The following ARID1A variants were observed in gnomAD, a reference collection of about 807,000 sequenced individuals.
The protein encoded by ARID1A is AT-rich interactive domain-containing protein 1A.
ARID1A carries 20 observed loss-of-function variants against 212.6 expected under a neutral mutation model. The ratio of observed to expected loss-of-function variants is 0.09; its 90% CI spans 0.07 to 0.14. The LOEUF (loss-of-function observed/expected upper bound fraction) is 0.14. Among genes scored for constraint, ARID1A ranks in the 10% least tolerant of loss-of-function variants. The pLI, the probability that ARID1A is intolerant of heterozygous loss-of-function variation, is 1.00. For synonymous variants in ARID1A, 1,376 were observed against 1,222.1 expected (o/e 1.13, Z -2.63); for missense variants, 2,587 against 3,059.0 (o/e 0.85, Z 3.64).
At chr1:26,762,002 A>G (rs1332560722) in intron 6 of ARID1A, 150 bp from the exon 7 acceptor site, 5 of 843,226 alleles carry the variant, frequency 5.9e-6, no homozygotes, top group Non-Finnish European at 8.7e-6. Context: ...GGTGCCTAAA[A>G]TGACACACCA....
Position 26,766,309 on chromosome 1 carries a change from A to G in ARID1A, c.2821A>G (p.Ile941Val), listed in dbSNP as rs1469708728. ...GQGINSMAGMINPQGPPYSMG... is the reference protein window; with the variant it reads ...GQGINSMAGMVNPQGPPYSMG... Reference sequence around the variant, plus strand: ...AGGGATTAATAGTATGGCTGGCATGATCAACCCTCAGGGACCCCCATATTC... The same window carrying G: ...AGGGATTAATAGTATGGCTGGCATGGTCAACCCTCAGGGACCCCCATATTC... The change falls in exon 9 of 20, where the codon ATC (isoleucine) becomes GTC (valine). Residue 941 changes from isoleucine (I) to valine (V), a missense_variant. Ile to Val is a conservative substitution (Grantham distance 29, BLOSUM62 3). Around this residue, in one of 11 missense-constraint regions of ARID1A, gnomAD observed 674 missense variants for 813.4 expected, o/e 0.83. Transcript: ENST00000324856. 2 of 1,614,076 alleles carry G rather than the reference A, an allele frequency of 1.2e-6. No homozygotes were observed. Among genetic ancestry groups the G allele is most frequent in the African/African-American group, 2.7e-5 (2 of 74,922 alleles).
chr1:26,699,659 C>T (rs2080313465), intron 1 of ARID1A, among the ~76,000 whole-genome samples: 1 of 152,186 alleles, frequency 6.6e-6, no homozygotes, highest in Non-Finnish European at 1.5e-5. Context: ...ACAGCATCCT[C>T]TTGTCTCTGG....
At chr1:26,740,215 G>A (rs2080774635) in intron 4 of ARID1A, among the ~76,000 whole-genome samples, 1 of 152,166 alleles carries the variant, frequency 6.6e-6, no homozygotes, top group Non-Finnish European at 1.5e-5. Context: ...TTTGACAAGG[G>A]TTGAACTTGT....
rs57532083 is a variant in ARID1A at position 26,709,626 on chromosome 1, C to CTT, written c.1137+12106_1137+12107dup. ...TAGCTACATCTGAGTTACTGTAATG[C>CTT]TTTTTTTTTTTTTTTTTTTTTAAAC... On this transcript the variant is annotated intron_variant, in intron 1 of 19. Coordinates refer to ENST00000324856, the MANE Select transcript of ARID1A (RefSeq NM_006015.6). Among the ~76,000 whole-genome samples the CTT allele has an allele frequency of 3.3e-3, 387 of 118,446 alleles. 2 individuals are homozygous for CTT. The highest frequency in any genetic ancestry group is 0.03 in the East Asian group (109 of 3,668). 77.7% of individuals were successfully genotyped at this position (118,446 alleles called of 152,430 possible). A position where few individuals can be genotyped will look rare whatever the true frequency, so the allele number is the denominator to read the frequency against.
At chr1:26,772,387 T>A in intron 12 of ARID1A, 113 bp from the exon 13 acceptor site, 1 of 1,496,892 alleles carries the variant, frequency 6.7e-7, no homozygotes, top group East Asian at 2.3e-5. Flanking sequence ...GATCAGGCTT[T>A]AAAGGCCTTA....
In ARID1A at chr1:26,772,640, C is replaced by G. The variant is rs2124105121; in HGVS notation, c.3539+8C>G. ...CCCATTGCCAGGCATGAGGTAAGGC[C>G]AAGAGCAGGGGCAGATGGTTGGGAG... On this transcript the variant is annotated splice_region_variant and intron_variant, in intron 13 of 19. Coordinates refer to ENST00000324856, the MANE Select transcript of ARID1A (RefSeq NM_006015.6). 1 of 1,614,200 alleles carries G rather than the reference C, an allele frequency of 6.2e-7. No individual in the cohort carries two copies. Among genetic ancestry groups the G allele is most frequent in the Non-Finnish European group, 8.5e-7 (1 of 1,180,030 alleles).
At chr1:26,763,924 G>T (rs2081016095) in intron 8 of ARID1A, among the ~76,000 whole-genome samples, 1 of 152,008 alleles carries the variant, frequency 6.6e-6, no homozygotes, top group Non-Finnish European at 1.5e-5. Context: ...GAGTAGTTGG[G>T]ACTACAGGCA....
chr1:26,728,789 G>A (rs2080644427), intron 1 of ARID1A: 1 of 152,158 alleles, frequency 6.6e-6, no homozygotes, highest in African/African-American at 2.4e-5. Flanking sequence ...AGATATTTCT[G>A]GCAGGGGAAA....
rs2124743212 is a variant in ARID1A, at chr1:26,697,113, G to A, written c.710G>A (p.Gly237Asp). Residue 237 changes from glycine (G) to aspartate (D), a missense_variant, in exon 1 of 20, where the codon GGC (glycine) becomes GAC (aspartate). Physicochemically the swap from Gly to Asp is moderately conservative, Grantham distance 94 (BLOSUM62 -1). Transcript: ENST00000324856. ...TACGCGCTGAGCTCCCCGAGAGGTG[G>A]CACTCCGGGCTCCGGCGCGGCGGCG... ...PAYALSSPRG[G>D]TPGSGAAAAA... 6.9e-7 allele frequency: 1 copy of A among 1,449,174 alleles called. No individual in the cohort carries two copies. The highest frequency in any genetic ancestry group is 9.0e-7 in the Non-Finnish European group (1 of 1,105,452). 89.8% of individuals were successfully genotyped at this position (1,449,174 alleles called of 1,614,324 possible).
chr1:26,756,848 G>T (rs2080943056), intron 4 of ARID1A, among the ~76,000 whole-genome samples: 1 of 151,878 alleles, frequency 6.6e-6, no homozygotes, highest in South Asian at 2.1e-4. Context: ...GACCATGGGT[G>T]CCCGTCACCA....
At position 26,781,667 on chromosome 1, in the gene ARID1A, C is replaced by T. The variant is rs1264975363; in HGVS notation, c.*911C>T. ...CCTTGGATCCCCACAGTTTGGTCCT[C>T]CTCCCAGCTACCCCTTTATAGTATG... On this transcript the variant is annotated 3_prime_UTR_variant, in exon 20 of 20. Coordinates refer to ENST00000324856, the MANE Select transcript of ARID1A (RefSeq NM_006015.6). The T allele has an allele frequency of 8.6e-6, 2 of 233,606 alleles. No individual in the cohort carries two copies. The highest frequency in any genetic ancestry group is 1.7e-5 in the Non-Finnish European group (2 of 118,068). 14.5% of individuals were successfully genotyped at this position (233,606 alleles called of 1,614,324 possible).
At chr1:26,710,490 T>TACACACACAC (rs1291075615) in intron 1 of ARID1A, among the ~76,000 whole-genome samples, 103 of 9,694 alleles carry the variant, frequency 0.011, no homozygotes, top group East Asian at 0.021. Context: ...AATAAAATAA[T>TACACACACAC]ACATACACAC....
chr1:26,726,783 C>T (rs1034198244), intron 1 of ARID1A, among the ~76,000 whole-genome samples: 1 of 152,202 alleles, frequency 6.6e-6, no homozygotes, highest in African/African-American at 2.4e-5. Context: ...AGAAGTTAGT[C>T]TTGAGAAATG....
At chr1:26,755,116 C>G (rs2080916882) in intron 4 of ARID1A, among the ~76,000 whole-genome samples, 2 of 152,114 alleles carry the variant, frequency 1.3e-5, no homozygotes, top group South Asian at 4.2e-4. Flanking sequence ...CAAAAAAAAC[C>G]AAACCAAAAC....
At chr1:26,731,108 A>G (rs960676009) in intron 2 of ARID1A, 44 bp from the exon 3 acceptor site, 1 of 1,563,932 alleles carries the variant, frequency 6.4e-7, no homozygotes, top group Non-Finnish European at 8.8e-7. Context: ...ATCTTTCCTC[A>G]TGCAGGAGAG....
intron 2 of ARID1A, 82 bp downstream of exon 2, chr1:26,729,945 G>A: frequency 6.7e-7 from 1 of 1,498,276 alleles, no homozygotes; most frequent in Non-Finnish European, 9.1e-7. Context: ...ATGTATCCTT[G>A]GCTTCCAAGC....
Position 26,696,033 on chromosome 1 carries a change from G to A in ARID1A, c.-371G>A. The A allele has an allele frequency of 1.3e-6, 1 of 785,400 alleles. No individual in the cohort carries two copies. The allele number at this position is 785,400 out of a possible 1,614,324, so 48.7% of individuals were successfully genotyped here. On this transcript the variant is annotated 5_prime_UTR_variant, in exon 1 of 20. Coordinates refer to ENST00000324856, the MANE Select transcript of ARID1A (RefSeq NM_006015.6). ...CTCCCTCCTCCTTTCTCCGGCAGCA[G>A]AAAGCGGAGAGTCACAGCGGGGCCA... is the stretch of plus-strand genomic sequence containing the variant.
chr1:26,776,289 T>G (rs1022126739), intron 19 of ARID1A, among the ~76,000 whole-genome samples: 2 of 151,756 alleles, frequency 1.3e-5, no homozygotes, highest in African/African-American at 4.8e-5. Flanking sequence ...CTTTTTTTTT[T>G]TTTTTTGACT....
intron 1 of ARID1A, among the ~76,000 whole-genome samples, chr1:26,698,898 C>T (rs1313591846): frequency 6.6e-6 from 1 of 152,076 alleles, no homozygotes; most frequent in Non-Finnish European, 1.5e-5. Context: ...TTCAAGCGGT[C>T]TGTTTTAAGG....
Sources: allele counts gnomAD v4.1 joint callset (sites outside exome capture counted in the v4.1 genomes callset), GRCh38; gene constraint gnomAD v4.1.1; regional missense constraint gnomAD v4.1.1; transcripts MANE v1.5; gene names NCBI Gene and HGNC (gene_info 2026-07-23, HGNC 2026-07-21).